GRID2: variants seen among roughly 807,000 people sequenced by gnomAD.
GRID2 encodes the protein glutamate ionotropic receptor delta type subunit 2.
Under a neutral mutation model 114.8 loss-of-function variants are expected in GRID2, and 33 were observed. The ratio of observed to expected loss-of-function variants is 0.29; its 90% CI spans 0.22 to 0.38. The LOEUF is 0.38. Among genes scored for constraint, GRID2 ranks in the 10% least tolerant of loss-of-function variants. The pLI is 1.00. For missense variants in GRID2, 1,184 were observed against 1,257.7 expected (o/e 0.94, Z 0.89); for synonymous variants, 505 against 449.9 (o/e 1.12, Z -1.55).
chr4:92,672,075 G>T (rs1733101700), intron 2 of GRID2, among the ~76,000 whole-genome samples: 1 of 152,060 alleles, frequency 6.6e-6, no homozygotes, highest in African/African-American at 2.4e-5. Context: ...TATCATAAAA[G>T]ATTGAATTCA....
At chr4:92,620,454 T>C (rs1296914017) in intron 2 of GRID2, among the ~76,000 whole-genome samples, 2 of 151,736 alleles carry the variant, frequency 1.3e-5, no homozygotes, top group African/African-American at 4.8e-5. Flanking sequence ...GAATAACTTA[T>C]TATATATCTG....
At chr4:93,030,133 G>T (rs187845575) in intron 2 of GRID2, among the ~76,000 whole-genome samples, 54 of 152,220 alleles carry the variant, frequency 3.5e-4, no homozygotes, top group Admixed American at 3.1e-3. Context: ...CCCATTTTAA[G>T]CTGTGCCCCA....
intron 2 of GRID2, among the ~76,000 whole-genome samples, chr4:92,947,906 T>G (rs1001912297): frequency 1.6e-4 from 24 of 151,914 alleles, no homozygotes; most frequent in Admixed American, 1.6e-3. Context: ...AATTACCTTT[T>G]GTAAAATATC....
At chr4:92,956,386 T>C (rs907658740) in intron 2 of GRID2, among the ~76,000 whole-genome samples, 14 of 152,172 alleles carry the variant, frequency 9.2e-5, no homozygotes, top group African/African-American at 3.4e-4. Context: ...TCTCCTTATG[T>C]ATCCCTCCCT....
chr4:92,533,324 A>G (rs564957134), intron 1 of GRID2, among the ~76,000 whole-genome samples: 2 of 152,166 alleles, frequency 1.3e-5, no homozygotes, highest in East Asian at 3.9e-4. Flanking sequence ...AGAAAACTAT[A>G]AAAGCTTTCA....
intron 2 of GRID2, among the ~76,000 whole-genome samples, chr4:92,680,128 G>A (rs1444695918): frequency 6.6e-6 from 1 of 152,018 alleles, no homozygotes; most frequent in African/African-American, 2.4e-5. Context: ...AATAATGAAG[G>A]ATGCAGCTAT....
At chr4:93,197,381 A>C (rs1741600498) in intron 4 of GRID2, among the ~76,000 whole-genome samples, 1 of 152,138 alleles carries the variant, frequency 6.6e-6, no homozygotes, top group Non-Finnish European at 1.5e-5. Flanking sequence ...TCATATTTAA[A>C]ATGCACATAG....
At chr4:92,646,711 T>C (rs1238975728) in intron 2 of GRID2, among the ~76,000 whole-genome samples, 1 of 152,238 alleles carries the variant, frequency 6.6e-6, no homozygotes, top group East Asian at 1.9e-4. Flanking sequence ...ACTATTTTCA[T>C]GGTGTCTATT....
At chr4:93,474,386 T>C (rs1725122873) in intron 11 of GRID2, among the ~76,000 whole-genome samples, 1 of 152,162 alleles carries the variant, frequency 6.6e-6, no homozygotes, top group African/African-American at 2.4e-5. Context: ...ATTATATTGG[T>C]TATGTTTTAA....
chr4:92,619,554 T>C (rs1730168394), intron 2 of GRID2, among the ~76,000 whole-genome samples: 1 of 151,670 alleles, frequency 6.6e-6, no homozygotes, highest in Non-Finnish European at 1.5e-5. Flanking sequence ...GTTATCATTT[T>C]TGGCAATTCC....
At chr4:93,141,886 C>T (rs996867709) in intron 4 of GRID2, among the ~76,000 whole-genome samples, 2 of 152,156 alleles carry the variant, frequency 1.3e-5, no homozygotes, top group Non-Finnish European at 2.9e-5. Flanking sequence ...CTTTCCTACA[C>T]ATAACAAGGG....
chr4:93,645,505 A>T lies in GRID2; in HGVS notation c.2360+19070A>T, dbSNP rs1285626217. 3.3e-5 allele frequency among the ~76,000 whole-genome samples: 5 copies of T among 152,140 alleles called. No individual in the cohort carries two copies. In the East Asian group the frequency reaches 7.7e-4, roughly 23 times the overall value. ...GATAGCCAATGGAAAGGGCATAGAG[A>T]TAAAAAGAAAAAGGTTGAGGCAAAA... On this transcript the variant is annotated intron_variant, in intron 14 of 15. Coordinates refer to ENST00000282020, the MANE Select transcript of GRID2 (RefSeq NM_001510.4).
At chr4:92,514,202 A>G (rs1439701103) in intron 1 of GRID2, among the ~76,000 whole-genome samples, 1 of 151,936 alleles carries the variant, frequency 6.6e-6, no homozygotes, top group Non-Finnish European at 1.5e-5. Context: ...ATTGATCCAC[A>G]TATTTTATTG....
intron 13 of GRID2, 109 bp downstream of exon 13, chr4:93,515,520 ATGC>A (rs1729631129): frequency 1.4e-6 from 1 of 705,594 alleles, no homozygotes; most frequent in Non-Finnish European, 2.4e-6. Context: ...TTTATCTTTA[ATGC>A]TGACGGCAAA....
chr4:93,511,265 G>C (rs1729143634), intron 12 of GRID2, among the ~76,000 whole-genome samples: 1 of 152,056 alleles, frequency 6.6e-6, no homozygotes. Context: ...CTTGAAAAGA[G>C]TTTCAGTGTT....
At chr4:92,404,887 G>T (rs774550399) in intron 1 of GRID2, among the ~76,000 whole-genome samples, 2 of 152,120 alleles carry the variant, frequency 1.3e-5, no homozygotes, top group African/African-American at 4.8e-5. Flanking sequence ...TTGGGCTGGT[G>T]GGGAGGGAGA....
intron 1 of GRID2, among the ~76,000 whole-genome samples, chr4:92,520,615 G>T (rs539456572): frequency 1.3e-5 from 2 of 151,858 alleles, no homozygotes; most frequent in Non-Finnish European, 2.9e-5. Flanking sequence ...GCTAATAGGC[G>T]CCCTAAAGAT....
At chr4:93,420,446 T>C (rs776628320) in intron 9 of GRID2, among the ~76,000 whole-genome samples, 6 of 152,188 alleles carry the variant, frequency 3.9e-5, no homozygotes, top group Non-Finnish European at 7.4e-5. Flanking sequence ...ATTCTGCCAA[T>C]TGTGTAAAGT....
intron 2 of GRID2, among the ~76,000 whole-genome samples, chr4:93,073,484 TC>T (rs1728990521): frequency 6.6e-6 from 1 of 152,180 alleles, no homozygotes; most frequent in South Asian, 2.1e-4. Flanking sequence ...TAGTAGGACT[TC>T]CAGGCAACAG....
Sources: gnomAD v4.1 joint callset for allele counts (sites outside exome capture counted in the v4.1 genomes callset) on GRCh38, gnomAD v4.1.1 for gene constraint, MANE v1.5 for transcripts, NCBI Gene and HGNC (gene_info 2026-07-23, HGNC 2026-07-21) for gene names.